Variants in ASIC2 observed in about 807,000 individuals in gnomAD.
ASIC2 encodes the protein acid sensing ion channel subunit 2.
A neutral mutation model predicts 57.3 loss-of-function variants in ASIC2; 25 were observed. The observed-to-expected ratio is 0.44, with a 90% CI of 0.32 to 0.61. The LOEUF (loss-of-function observed/expected upper bound fraction) is 0.61. ASIC2 is among the 20% of genes least tolerant of loss of function. The pLI is 0.06. For synonymous variants in ASIC2, 319 were observed against 307.5 expected, an observed-to-expected ratio of 1.04 and a Z score of -0.39; for missense variants, 641 against 738.1, an observed-to-expected ratio of 0.87 and a Z score of 1.52.
intron 1 of ASIC2, among the ~76,000 whole-genome samples, chr17:33,547,242 T>C (rs1263093898): frequency 6.7e-6 from 1 of 150,366 alleles, no homozygotes; most frequent in East Asian, 1.9e-4. Flanking sequence ...CTAATGACCA[T>C]GGATGGGGCA....
chr17:34,083,257 G>C (rs1440285298), intron 1 of ASIC2, among the ~76,000 whole-genome samples: 1 of 148,530 alleles, frequency 6.7e-6, no homozygotes, highest in Non-Finnish European at 1.5e-5. Context: ...CCACCTATGA[G>C]TGAGAATATG....
intron 1 of ASIC2, among the ~76,000 whole-genome samples, chr17:34,105,541 A>G (rs1911016736): frequency 7.0e-6 from 1 of 142,794 alleles, no homozygotes; most frequent in African/African-American, 2.6e-5. Flanking sequence ...TTAGATCATT[A>G]ATTTATACCT....
chr17:33,490,171 G>T (rs1230596968), intron 1 of ASIC2, among the ~76,000 whole-genome samples: 2 of 152,190 alleles, frequency 1.3e-5, no homozygotes, highest in Non-Finnish European at 2.9e-5. Flanking sequence ...ACATTATAAG[G>T]TAGAGTTAGG....
intron 1 of ASIC2, among the ~76,000 whole-genome samples, chr17:33,735,696 T>C (rs956403740): frequency 6.6e-6 from 1 of 152,038 alleles, no homozygotes; most frequent in Non-Finnish European, 1.5e-5. Context: ...CACAAAGTCC[T>C]CAACAGCGGC....
At chr17:33,989,763 G>C (rs796551402) in intron 1 of ASIC2, among the ~76,000 whole-genome samples, 2 of 152,248 alleles carry the variant, frequency 1.3e-5, no homozygotes, top group African/African-American at 4.8e-5. Flanking sequence ...TCACTGCAGA[G>C]ACTTTGATCA....
intron 1 of ASIC2, among the ~76,000 whole-genome samples, chr17:33,130,696 G>T (rs373744346): frequency 5.3e-5 from 8 of 152,190 alleles, no homozygotes; most frequent in Non-Finnish European, 1.2e-4. Context: ...CTCCTGGAGG[G>T]GGGGACTTGG....
intron 1 of ASIC2, chr17:34,002,228 G>T (rs1906369995): frequency 6.6e-6 from 1 of 152,338 alleles, no homozygotes; most frequent in East Asian, 1.9e-4. Context: ...CCTGTTGAAT[G>T]TTGCCAACAG....
intron 1 of ASIC2, among the ~76,000 whole-genome samples, chr17:33,506,412 CAAAAA>C (rs71144886): frequency 1.5e-5 from 1 of 66,864 alleles, no homozygotes; most frequent in Admixed American, 1.8e-4. Context: ...GACTCCGTCT[CAAAAA>C]AAAAAAAAAA....
chr17:33,737,046 G>A (rs1909935764), intron 1 of ASIC2, among the ~76,000 whole-genome samples: 1 of 152,230 alleles, frequency 6.6e-6, no homozygotes, highest in Non-Finnish European at 1.5e-5. Context: ...ATATTTTATT[G>A]TTTGGAGACA....
intron 1 of ASIC2, among the ~76,000 whole-genome samples, chr17:33,967,863 C>T (rs1905118499): frequency 6.6e-6 from 1 of 152,184 alleles, no homozygotes; most frequent in East Asian, 1.9e-4. Flanking sequence ...GCTCAGAAGG[C>T]TGTGCTCCCA....
chr17:34,008,403 G>A (rs1288743416), intron 1 of ASIC2, among the ~76,000 whole-genome samples: 4 of 152,142 alleles, frequency 2.6e-5, no homozygotes, highest in Non-Finnish European at 4.4e-5. Flanking sequence ...TGACACCCAG[G>A]GGAGGGACTC....
intron 1 of ASIC2, among the ~76,000 whole-genome samples, chr17:33,269,639 C>CTTCT (rs1567805155): frequency 1.4e-5 from 1 of 69,592 alleles, no homozygotes; most frequent in African/African-American, 5.0e-5. Context: ...TCCTTCCTTC[C>CTTCT]TTCCTTCCTT....
chr17:33,379,577 G>T (rs980479202), intron 1 of ASIC2, among the ~76,000 whole-genome samples: 1 of 152,138 alleles, frequency 6.6e-6, no homozygotes, highest in African/African-American at 2.4e-5. Context: ...CACACCTTTT[G>T]CCTCCCTCTC....
At chr17:33,357,715 C>T (rs912390145) in intron 1 of ASIC2, among the ~76,000 whole-genome samples, 2 of 152,138 alleles carry the variant, frequency 1.3e-5, no homozygotes, top group African/African-American at 2.4e-5. Context: ...TTGTGAGAAC[C>T]TGGAGCCCTG....
chr17:34,139,151 G>A (rs1233731027), intron 1 of ASIC2, among the ~76,000 whole-genome samples: 1 of 152,178 alleles, frequency 6.6e-6, no homozygotes, highest in Non-Finnish European at 1.5e-5. Context: ...TTTGAAGATG[G>A]GAGAGGAGGC....
chr17:34,155,590 C>G, intron 1 of ASIC2: 1 of 212,274 alleles, frequency 4.7e-6, no homozygotes, highest in Non-Finnish European at 9.4e-6. Flanking sequence ...CACACGCACA[C>G]GCACACACAC....
chr17:33,721,572 C>A (rs1194521094), intron 1 of ASIC2, among the ~76,000 whole-genome samples: 1 of 152,170 alleles, frequency 6.6e-6, no homozygotes, highest in East Asian at 1.9e-4. Context: ...CCTTCCAGCC[C>A]ACATTAGACA....
chr17:33,349,384 T>C (rs1431085955), intron 1 of ASIC2, among the ~76,000 whole-genome samples: 2 of 152,214 alleles, frequency 1.3e-5, no homozygotes, highest in African/African-American at 4.8e-5. Flanking sequence ...AGGTGAGCAC[T>C]GGACTGGGGT....
intron 1 of ASIC2, among the ~76,000 whole-genome samples, chr17:33,863,474 G>A (rs1914147553): frequency 6.6e-6 from 1 of 152,182 alleles, no homozygotes; most frequent in South Asian, 2.1e-4. Context: ...GAATGACATG[G>A]CCAAACAACT....
Sources: gnomAD v4.1 joint callset for allele counts (sites outside exome capture counted in the v4.1 genomes callset) on GRCh38, gnomAD v4.1.1 for gene constraint, MANE v1.5 for transcripts, NCBI Gene and HGNC (gene_info 2026-07-23, HGNC 2026-07-21) for gene names.